ZFHX3: variants seen among roughly 807,000 people sequenced by gnomAD.
ZFHX3 encodes the protein zinc finger homeobox protein 3.
ZFHX3 carries 42 observed loss-of-function variants against 279.1 expected under a neutral mutation model. That is an observed-to-expected ratio of 0.15 (90% CI 0.12 to 0.19). ZFHX3 has a LOEUF of 0.19. ZFHX3 is among the 10% of genes least tolerant of loss of function. ZFHX3 has a pLI of 1.00. For synonymous variants in ZFHX3, 2,293 were observed against 1,957.8 expected, an observed-to-expected ratio of 1.17 and a Z score of -4.52; for missense variants, 4,981 against 4,754.0, an observed-to-expected ratio of 1.05 and a Z score of -1.40.
intron 3 of ZFHX3, among the ~76,000 whole-genome samples, chr16:73,421,574 G>C (rs1297188199): frequency 6.6e-6 from 1 of 152,108 alleles, no homozygotes; most frequent in Non-Finnish European, 1.5e-5. Context: ...TGTACAAAAT[G>C]TACAACATTT....
intron 4 of ZFHX3, among the ~76,000 whole-genome samples, chr16:73,292,862 G>T (rs72797380): frequency 6.6e-6 from 1 of 152,056 alleles, no homozygotes; most frequent in East Asian, 1.9e-4. Flanking sequence ...GGTATTCCTC[G>T]GGCTGGAAGC....
intron 1 of ZFHX3, among the ~76,000 whole-genome samples, chr16:73,823,659 A>G (rs1021030280): frequency 8.5e-5 from 13 of 152,170 alleles, no homozygotes; most frequent in African/African-American, 2.7e-4. Flanking sequence ...TGGCGCTACA[A>G]TGGCAGAATG....
chr16:73,148,556 T>C (rs1301081755), intron 5 of ZFHX3, among the ~76,000 whole-genome samples: 1 of 17,328 alleles, frequency 5.8e-5, no homozygotes, highest in East Asian at 5.1e-4. Context: ...AATGCTGGGC[T>C]TTTTTTTTTT....
chr16:73,128,074 C>T (rs76666716), intron 7 of ZFHX3, among the ~76,000 whole-genome samples: 1,702 of 152,282 alleles, frequency 0.011, 17 homozygotes, highest in Middle Eastern at 0.037. Context: ...TCCAAAACTG[C>T]AATGAATTTT....
At position 73,877,894 on chromosome 16, in the gene ZFHX3, C is replaced by A. The variant is rs367699886; in HGVS notation, c.-1608+13757G>T. On this transcript the variant is annotated intron_variant, in intron 1 of 17. Coordinates refer to the ZFHX3 transcript ENST00000641206. ...TTCATCTTCAAAGTTCAACTCCCCC[C>A]AAAAAAGAAAATCCATTTTGATTCT... 2.0e-5 allele frequency among the ~76,000 whole-genome samples: 3 copies of A among 151,946 alleles called. No individual in the cohort carries two copies. In the South Asian group the frequency reaches 6.2e-4, roughly 32 times the overall value.
At chr16:73,243,397 C>T (rs189041717) in intron 5 of ZFHX3, among the ~76,000 whole-genome samples, 4 of 152,262 alleles carry the variant, frequency 2.6e-5, no homozygotes, top group Admixed American at 2.6e-4. Context: ...CATTTTTGTC[C>T]TCATTGTACT....
intron 4 of ZFHX3, among the ~76,000 whole-genome samples, chr16:72,878,781 ACCAAGTCC>A (rs770162815): frequency 2.6e-5 from 4 of 152,136 alleles, no homozygotes; most frequent in Non-Finnish European, 5.9e-5. Flanking sequence ...GGGCCTCTGT[ACCAAGTCC>A]CTACTCTGCT....
intron 3 of ZFHX3, among the ~76,000 whole-genome samples, chr16:73,382,023 A>T (rs952519911): frequency 1.2e-4 from 18 of 152,200 alleles, no homozygotes; most frequent in Admixed American, 7.9e-4. Flanking sequence ...GTTCCAATAA[A>T]ACTTTATTTA....
intron 2 of ZFHX3, among the ~76,000 whole-genome samples, chr16:73,670,872 G>C (rs982943691): frequency 6.6e-6 from 1 of 152,184 alleles, no homozygotes; most frequent in Non-Finnish European, 1.5e-5. Context: ...AATAAGGTTA[G>C]CTTTTATTGA....
At chr16:73,090,657 C>G (rs1194021405) in intron 8 of ZFHX3, among the ~76,000 whole-genome samples, 1 of 150,280 alleles carries the variant, frequency 6.7e-6, no homozygotes, top group Non-Finnish European at 1.5e-5. Context: ...GAGGCCAAGG[C>G]AGGCAGATTG....
chr16:73,250,558 G>A (rs2013450248), intron 5 of ZFHX3, among the ~76,000 whole-genome samples: 1 of 151,936 alleles, frequency 6.6e-6, no homozygotes, highest in Non-Finnish European at 1.5e-5. Flanking sequence ...TTTTGAGACG[G>A]AATCTCGCTC....
Position 72,958,173 on chromosome 16 carries a change from T to C in ZFHX3, c.1973A>G (p.His658Arg). The C allele has an allele frequency of 1.2e-6, 2 of 1,613,704 alleles. No homozygotes were observed. The highest frequency in any genetic ancestry group is 1.7e-6 in the Non-Finnish European group (2 of 1,179,608). ...VLGSSRSLGG[H>R]MTMMHSRNSC... ...GTTACGAGAATGCATCATGGTCATG[T>C]GGCCGCCCAGCGAGCGGGAGGAGCC... The change falls in exon 2 of 10, where the codon CAC becomes CGC. Residue 658 changes from histidine to arginine, a missense_variant. Around this residue, in one of 7 missense-constraint regions of ZFHX3, gnomAD observed 1,068 missense variants for 935.2 expected, o/e 1.14. Coordinates refer to ENST00000268489, the MANE Select transcript of ZFHX3 (RefSeq NM_006885.4).
rs113537051 is a variant in ZFHX3, at chr16:72,959,351, G to A, written c.795C>T (p.Asp265=). 1 of 1,614,258 alleles carries A rather than the reference G, an allele frequency of 6.2e-7. No homozygotes were observed. The highest frequency in any genetic ancestry group is 1.7e-5 in the Admixed American group (1 of 60,032). The part of the protein sequence containing the change: ...CVSKDVPNNV[D]LSKFDGFVLY... ...GCACAAAGCCATCGAATTTGGACAG[G>A]TCCACATTGTTGGGAACATCTTTGG... The change falls in exon 2 of 10, where the codon GAC becomes GAT. Residue 265 remains aspartate, a synonymous_variant. Coordinates refer to ENST00000268489, the MANE Select transcript of ZFHX3 (RefSeq NM_006885.4).
chr16:73,585,028 C>G (rs765495671), intron 2 of ZFHX3, among the ~76,000 whole-genome samples: 1 of 152,160 alleles, frequency 6.6e-6, no homozygotes, highest in African/African-American at 2.4e-5. Context: ...AAATGAAATA[C>G]CTTCTCACAC....
In ZFHX3 at chr16:73,548,646, A is replaced by G. The variant is rs1167647835; in HGVS notation, c.-1546-92388T>C. Among the ~76,000 whole-genome samples, 6 of 152,308 alleles carry G rather than the reference A, an allele frequency of 3.9e-5. No homozygotes were observed. In the East Asian group the frequency reaches 1.2e-3, roughly 29 times the overall value. On this transcript the variant is annotated intron_variant, in intron 2 of 17. Transcript: ENST00000641206. ...AAAAATCATCTTTAAACAATGGCAT[A>G]AACTATTTTTGAAATAACACACAGA...
At chr16:73,548,103 C>T (rs1477538532) in intron 2 of ZFHX3, among the ~76,000 whole-genome samples, 1 of 152,212 alleles carries the variant, frequency 6.6e-6, no homozygotes, top group Non-Finnish European at 1.5e-5. Flanking sequence ...AGCTCCATCC[C>T]TCCTTGATTT....
At chr16:73,264,693 T>C (rs1424750055) in intron 4 of ZFHX3, among the ~76,000 whole-genome samples, 2 of 152,090 alleles carry the variant, frequency 1.3e-5, no homozygotes, top group East Asian at 3.9e-4. Flanking sequence ...TCAAGCAGTA[T>C]ACAGTGAACC....
At chr16:73,484,130 T>G (rs2018929184) in intron 2 of ZFHX3, among the ~76,000 whole-genome samples, 1 of 151,998 alleles carries the variant, frequency 6.6e-6, no homozygotes, top group African/African-American at 2.4e-5. Flanking sequence ...GGCGCAGTTG[T>G]GCAGCAGTAA....
intron 5 of ZFHX3, among the ~76,000 whole-genome samples, chr16:73,146,355 G>A (rs1966862991): frequency 6.6e-6 from 1 of 152,008 alleles, no homozygotes; most frequent in East Asian, 1.9e-4. Flanking sequence ...TTCAACCCGG[G>A]AGGCGGAGGT....
Sources: gnomAD v4.1 joint callset for allele counts (sites outside exome capture counted in the v4.1 genomes callset) on GRCh38, gnomAD v4.1.1 for gene constraint, gnomAD v4.1.1 regional missense constraint, MANE v1.5 for transcripts, NCBI Gene and HGNC (gene_info 2026-07-23, HGNC 2026-07-21) for gene names.